The following ERP44 variants were observed in gnomAD, a reference collection of about 807,000 sequenced individuals.
ERP44 encodes endoplasmic reticulum resident protein 44.
Under a neutral mutation model 53.4 loss-of-function variants are expected in ERP44, and 25 were observed. The ratio of observed to expected loss-of-function variants is 0.47; its 90% CI spans 0.34 to 0.65. ERP44 has a LOEUF of 0.65. Ranked by LOEUF, ERP44 falls within the 30% of genes least tolerant of loss-of-function variation. The pLI, the probability that ERP44 is intolerant of heterozygous loss-of-function variation, is 0.01. For synonymous variants in ERP44, 145 were observed against 161.2 expected (o/e 0.90, Z 0.76); for missense variants, 338 against 493.2 (o/e 0.69, Z 2.98).
chr9:100,022,410 C>T (rs2118656628), intron 4 of ERP44, among the ~76,000 whole-genome samples, 184 bp from the exon 5 acceptor site: 1 of 152,222 alleles, frequency 6.6e-6, no homozygotes, highest in Middle Eastern at 3.4e-3. Context: ...AGACCAGGTT[C>T]TGGACTGGGT....
At chr9:99,997,068 T>C (rs1830319108) in intron 10 of ERP44, among the ~76,000 whole-genome samples, 1 of 152,128 alleles carries the variant, frequency 6.6e-6, no homozygotes, top group Non-Finnish European at 1.5e-5. Flanking sequence ...TTTGGGTTGG[T>C]TCCATGATCT....
chr9:100,005,277 TG>T (rs957558765), intron 10 of ERP44, among the ~76,000 whole-genome samples: 1 of 152,230 alleles, frequency 6.6e-6, no homozygotes, highest in African/African-American at 2.4e-5. Flanking sequence ...ACTACTCTGT[TG>T]ATCTCTGTCA....
At position 99,996,995 on chromosome 9, in the gene ERP44, A is replaced by G. The variant is rs573608945; in HGVS notation, c.1016+9511T>C. On this transcript the variant is annotated intron_variant, in intron 10 of 11. Coordinates refer to ENST00000262455, the MANE Select transcript of ERP44 (RefSeq NM_015051.3). ...TACACACGTATGTATATGTGTGTGT[A>G]TATATATATATATATGCACATATAC... Among the ~76,000 whole-genome samples, 681 of 132,774 alleles carry G rather than the reference A, an allele frequency of 5.1e-3. 3 individuals carry two copies. The highest frequency in any genetic ancestry group is 0.016 in the African/African-American group (571 of 36,236). The allele number at this position is 132,774 out of a possible 152,430, so 87.1% of individuals were successfully genotyped here. A position where few individuals can be genotyped will look rare whatever the true frequency, so the allele number is the denominator to read the frequency against.
At chr9:99,999,023 G>T in intron 10 of ERP44, 3 of 946,942 alleles carry the variant, frequency 3.2e-6, no homozygotes, top group South Asian at 1.3e-5. Context: ...GGCAGCGGGC[G>T]CAGCTGCTCC....
At chr9:100,022,351 A>T (rs1224716276) in intron 4 of ERP44, 125 bp from the exon 5 acceptor site, 1 of 619,842 alleles carries the variant, frequency 1.6e-6, no homozygotes, top group Non-Finnish European at 2.7e-6. Flanking sequence ...TTTTTCAGTG[A>T]GAGAGAAAAA....
chr9:100,036,283 C>T (rs747713284), intron 4 of ERP44, among the ~76,000 whole-genome samples: 39 of 152,310 alleles, frequency 2.6e-4, no homozygotes, highest in Non-Finnish European at 4.6e-4. Context: ...AAATGTGGTA[C>T]ATATATGCCA....
At chr9:100,003,685 C>T (rs151212228) in intron 10 of ERP44, among the ~76,000 whole-genome samples, 71 of 152,162 alleles carry the variant, frequency 4.7e-4, no homozygotes, top group African/African-American at 1.6e-3. Flanking sequence ...GGTCTGAAGC[C>T]TGGGTCCACT....
intron 4 of ERP44, among the ~76,000 whole-genome samples, chr9:100,040,989 G>A (rs1825894433): frequency 6.6e-6 from 1 of 152,004 alleles, no homozygotes. Flanking sequence ...AACATCGATG[G>A]AAGAAACTGA....
intron 1 of ERP44, among the ~76,000 whole-genome samples, chr9:100,080,558 G>C (rs778078500): frequency 1.3e-5 from 2 of 151,938 alleles, no homozygotes; most frequent in Non-Finnish European, 2.9e-5. Flanking sequence ...TAATGATCTA[G>C]TATAAAAAGT....
intron 6 of ERP44, 91 bp from the exon 7 acceptor site, chr9:100,018,404 T>C (rs1830548151): frequency 2.5e-6 from 2 of 794,008 alleles, no homozygotes; most frequent in Non-Finnish European, 4.5e-6. Flanking sequence ...ATCCATCATC[T>C]TCCCTATTAC....
At chr9:100,012,586 C>T (rs1029700748) in intron 8 of ERP44, among the ~76,000 whole-genome samples, 1 of 152,076 alleles carries the variant, frequency 6.6e-6, no homozygotes, top group Non-Finnish European at 1.5e-5. Flanking sequence ...GAAATTGCTA[C>T]AAGCTTAATA....
chr9:100,012,291 TAGAGCC>T (rs1301138069), intron 8 of ERP44, among the ~76,000 whole-genome samples: 1 of 152,202 alleles, frequency 6.6e-6, no homozygotes. Flanking sequence ...TCTAGTGCAA[TAGAGCC>T]TGATAAGTTT....
At chr9:100,075,203 CAG>C in intron 1 of ERP44, among the ~76,000 whole-genome samples, 1 of 152,354 alleles carries the variant, frequency 6.6e-6, no homozygotes, top group East Asian at 1.9e-4. Flanking sequence ...TGGAGAATGA[CAG>C]AGGATTATCG....
intron 8 of ERP44, among the ~76,000 whole-genome samples, chr9:100,010,698 C>T (rs897233491): frequency 1.3e-5 from 2 of 151,924 alleles, no homozygotes; most frequent in Non-Finnish European, 2.9e-5. Flanking sequence ...GGTCAGAGTT[C>T]GAGACCAGAT....
chr9:100,043,291 A>AAAAAAAAAAAAAAACAG (rs1168903331), intron 4 of ERP44, among the ~76,000 whole-genome samples: 1 of 74,878 alleles, frequency 1.3e-5, no homozygotes, highest in Non-Finnish European at 2.3e-5. Context: ...AAAAAAAAAA[A>AAAAAAAAAAAAAAACAG]GATAAATAAG....
At chr9:99,994,198 C>T (rs775102225) in intron 10 of ERP44, among the ~76,000 whole-genome samples, 7 of 152,174 alleles carry the variant, frequency 4.6e-5, no homozygotes, top group Non-Finnish European at 8.8e-5. Flanking sequence ...AAGACACATG[C>T]ACACATATGT....
chr9:100,027,992 C>T (rs903065629), intron 4 of ERP44, among the ~76,000 whole-genome samples: 2 of 152,180 alleles, frequency 1.3e-5, no homozygotes, highest in Non-Finnish European at 2.9e-5. Context: ...TAGAAGTTCA[C>T]TCAGAACTCA....
In ERP44 at chr9:99,981,914, G is replaced by A. The variant is rs1356448567; in HGVS notation, c.*698C>T. On this transcript the variant is annotated 3_prime_UTR_variant, in exon 12 of 12. Transcript: ENST00000262455. ...CAGATTTAGGTATAATTCATTCAAAGTTTTAAATGCCATCCATATGCCACA... is the reference window on the plus strand; with the variant it reads ...CAGATTTAGGTATAATTCATTCAAAATTTTAAATGCCATCCATATGCCACA... The A allele has an allele frequency of 6.6e-6, 1 of 152,216 alleles. No homozygotes were observed. Among genetic ancestry groups the A allele is most frequent in the Non-Finnish European group, 1.5e-5 (1 of 68,034 alleles). 9.4% of individuals were successfully genotyped at this position (152,216 alleles called of 1,614,324 possible). A position where few individuals can be genotyped will look rare whatever the true frequency, so the allele number is the denominator to read the frequency against.
intron 10 of ERP44, among the ~76,000 whole-genome samples, chr9:100,002,829 A>G (rs140075486): frequency 1.2e-4 from 19 of 152,230 alleles, no homozygotes; most frequent in Non-Finnish European, 2.1e-4. Flanking sequence ...GAGTTCTTTG[A>G]CTTTCCTGTA....
Sources: allele counts gnomAD v4.1 joint callset (sites outside exome capture counted in the v4.1 genomes callset), GRCh38; gene constraint gnomAD v4.1.1; transcripts MANE v1.5; gene names NCBI Gene and HGNC (gene_info 2026-07-23, HGNC 2026-07-21).